The following HPS3 variants were observed in gnomAD, a reference collection of about 807,000 sequenced individuals.
HPS3 encodes the protein HPS3 biogenesis of lysosomal organelles complex 2 subunit 1, also known as BLOC-2 complex member HPS3.
Under a neutral mutation model 110.9 loss-of-function variants are expected in HPS3, and 79 were observed. The observed-to-expected ratio is 0.71, with a 90% CI of 0.59 to 0.86. The LOEUF (loss-of-function observed/expected upper bound fraction) is 0.86, where lower values mean the gene tolerates loss of function less well. HPS3 is among the 40% of genes least tolerant of loss of function. HPS3 has a pLI of 0.00. For missense variants in HPS3, 1,197 were observed against 1,206.2 expected (o/e 0.99, Z 0.11); for synonymous variants, 428 against 451.0 (o/e 0.95, Z 0.65).
At chr3:149,162,437 A>G (rs748296456) in intron 12 of HPS3, 104 bp downstream of exon 12, 4 of 1,091,702 alleles carry the variant, frequency 3.7e-6, no homozygotes, top group Admixed American at 1.9e-5. Context: ...TGTTTATTGA[A>G]AAAACAGACA....
At chr3:149,139,909 T>G in intron 1 of HPS3, 95 bp from the exon 2 acceptor site, 1 of 1,164,716 alleles carries the variant, frequency 8.6e-7, no homozygotes, top group Non-Finnish European at 1.3e-6. Flanking sequence ...AATTCGACCA[T>G]TTGTGTTAGA....
intron 4 of HPS3, among the ~76,000 whole-genome samples, chr3:149,141,679 G>A (rs1455821986): frequency 9.3e-5 from 13 of 139,200 alleles, no homozygotes; most frequent in African/African-American, 3.0e-4. Context: ...GACTACAGGC[G>A]CCCGCCACCA....
chr3:149,134,165 G>T (rs970327414), intron 1 of HPS3, among the ~76,000 whole-genome samples: 5 of 152,142 alleles, frequency 3.3e-5, no homozygotes, highest in Non-Finnish European at 5.9e-5. Context: ...CCACGGACCT[G>T]TTTGAAAAAC....
chr3:149,141,943 C>T (rs896795912), intron 4 of HPS3, among the ~76,000 whole-genome samples: 16 of 146,072 alleles, frequency 1.1e-4, no homozygotes, highest in Admixed American at 3.4e-4. Flanking sequence ...CTCCACCTCC[C>T]GGGTTCAAGT....
intron 6 of HPS3, among the ~76,000 whole-genome samples, chr3:149,151,498 T>C (rs1723107953): frequency 6.6e-6 from 1 of 150,528 alleles, no homozygotes; most frequent in Non-Finnish European, 1.5e-5. Flanking sequence ...TTTATAAGCC[T>C]TTGATAACCT....
chr3:149,162,262 C>CT lies in HPS3; in HGVS notation c.2223dup (p.Val742CysfsTer16). 4 of 1,613,964 alleles carry CT rather than the reference C, an allele frequency of 2.5e-6. No individual in the cohort carries two copies. Among genetic ancestry groups the CT allele is most frequent in the Non-Finnish European group, 3.4e-6 (4 of 1,179,938 alleles). The stretch of plus-strand genomic sequence containing the variant: ...CTTGAAGGAAACTCAGCCTGGATTG[C>CT]TTGTGGCTTCAGTTCTGGGCTTGCA... On this transcript the variant is annotated frameshift_variant, in exon 12 of 17. Coordinates refer to ENST00000296051, the MANE Select transcript of HPS3 (RefSeq NM_032383.5). LOFTEE classifies it high-confidence loss of function.
intron 16 of HPS3, 105 bp downstream of exon 16, chr3:149,168,088 C>T (rs890088765): frequency 4.1e-6 from 3 of 725,868 alleles, no homozygotes; most frequent in Non-Finnish European, 7.5e-6. Context: ...AAACCGAGGG[C>T]CTTTCAGAAC....
Position 149,172,473 on chromosome 3 carries a change from T to A in HPS3, c.*251T>A, listed in dbSNP as rs895000140. ...TAGAATGTAAAAAGTCTTTAAGACA[T>A]AAGAATTCCTCAAAGAAGCCATACA... On this transcript the variant is annotated 3_prime_UTR_variant, in exon 17 of 17. Coordinates refer to ENST00000296051, the MANE Select transcript of HPS3 (RefSeq NM_032383.5). 2 of 356,478 alleles carry A rather than the reference T, an allele frequency of 5.6e-6. No individual in the cohort carries two copies. Among genetic ancestry groups the A allele is most frequent in the Admixed American group, 8.2e-5 (2 of 24,308 alleles). The allele number at this position is 356,478 out of a possible 1,614,324, so 22.1% of individuals were successfully genotyped here.
chr3:149,130,798 C>T (rs144737296), intron 1 of HPS3, among the ~76,000 whole-genome samples: 10 of 152,166 alleles, frequency 6.6e-5, no homozygotes, highest in Admixed American at 3.9e-4. Flanking sequence ...TAAGAGCAGC[C>T]GTTACTCTTT....
intron 13 of HPS3, among the ~76,000 whole-genome samples, 174 bp from the exon 14 acceptor site, chr3:149,163,668 C>T (rs183681338): frequency 7.2e-5 from 11 of 152,268 alleles, no homozygotes; most frequent in Admixed American, 6.5e-4. Context: ...GCAAGCAAGA[C>T]TGAAATATTT....
At chr3:149,142,664 CTTTT>C (rs1722544763) in intron 4 of HPS3, among the ~76,000 whole-genome samples, 5 of 150,440 alleles carry the variant, frequency 3.3e-5, no homozygotes, top group Admixed American at 6.6e-5. Context: ...ATTTTTTTTT[CTTTT>C]AGTAAATATT....
chr3:149,157,961 A>G lies in HPS3; in HGVS notation c.1691+430A>G, dbSNP rs115849577. Among the ~76,000 whole-genome samples the G allele has an allele frequency of 3.4e-3, 511 of 152,270 alleles. 2 individuals are homozygous for G. The highest frequency in any genetic ancestry group is 0.012 in the African/African-American group (488 of 41,570). ...GGCTTAGCTGAAGGACTTTTTTCCC[A>G]CCATCTATGAGCCAGTTTAATACAT... On this transcript the variant is annotated intron_variant, in intron 9 of 16. Transcript: ENST00000296051.
intron 1 of HPS3, among the ~76,000 whole-genome samples, chr3:149,136,175 TACAC>T (rs369745955): frequency 4.7e-5 from 7 of 147,988 alleles, no homozygotes; most frequent in Non-Finnish European, 1.0e-4. Context: ...TGTATATATA[TACAC>T]ACACACATTA....
chr3:149,158,788 G>A lies in HPS3; in HGVS notation c.1814G>A (p.Gly605Glu). ...VEDGLQKYER[G>E]LIFYINHSLY... is the part of the protein sequence containing the mutation. ...GATGGATTACAGAAATACGAGAGAG[G>A]ATTAATCTTTTACATTAATCATTCA... is the stretch of plus-strand genomic sequence containing the variant. Residue 605 changes from glycine (G) to glutamate (E), a missense_variant, in exon 10 of 17, where the codon GGA becomes GAA. Transcript: ENST00000296051. The A allele has an allele frequency of 1.2e-6, 2 of 1,610,026 alleles. No homozygotes were observed. The highest frequency in any genetic ancestry group is 1.7e-6 in the Non-Finnish European group (2 of 1,176,408).
intron 8 of HPS3, 96 bp downstream of exon 8, chr3:149,155,311 C>T: frequency 1.3e-6 from 1 of 771,156 alleles, no homozygotes; most frequent in Non-Finnish European, 2.3e-6. Context: ...CAGGATGCCA[C>T]AGCCATTCAG....
intron 1 of HPS3, among the ~76,000 whole-genome samples, chr3:149,135,514 G>A (rs1360143047): frequency 6.6e-6 from 1 of 152,154 alleles, no homozygotes; most frequent in Admixed American, 6.5e-5. Flanking sequence ...GCCCTGTGAA[G>A]AGGTGCCTTC....
intron 6 of HPS3, among the ~76,000 whole-genome samples, chr3:149,152,896 T>C (rs778230042): frequency 2.6e-5 from 4 of 152,144 alleles, no homozygotes; most frequent in Non-Finnish European, 4.4e-5. Context: ...AAAGGCTGGC[T>C]CCTCTAGTTT....
chr3:149,145,824 T>A (rs1215811647), intron 5 of HPS3, among the ~76,000 whole-genome samples: 1 of 152,208 alleles, frequency 6.6e-6, no homozygotes, highest in Middle Eastern at 3.2e-3. Context: ...TAGGGAGTTT[T>A]AATGAAAAGT....
In HPS3 at chr3:149,158,580, G is replaced by A. The variant is rs1723594331; in HGVS notation, c.1692-86G>A. On this transcript the variant is annotated intron_variant, in intron 9 of 16. Coordinates refer to ENST00000296051, the MANE Select transcript of HPS3 (RefSeq NM_032383.5). ...AGGTAGGATAATCACTTGAGGTCAG[G>A]AGTTTGAAATCAGTCTGGGCAACAT... The A allele has an allele frequency of 6.5e-6, 8 of 1,223,654 alleles. No homozygotes were observed. The South Asian group carries it at 8.5e-5, about 13-fold the overall frequency. The allele number at this position is 1,223,654 out of a possible 1,614,324, so 75.8% of individuals were successfully genotyped here. A position where few individuals can be genotyped will look rare whatever the true frequency, so the allele number is the denominator to read the frequency against.
Sources: allele counts gnomAD v4.1 joint callset (sites outside exome capture counted in the v4.1 genomes callset), GRCh38; gene constraint gnomAD v4.1.1; transcripts MANE v1.5; gene names NCBI Gene and HGNC (gene_info 2026-07-23, HGNC 2026-07-21).